The following AK3 variants were observed in gnomAD, a reference collection of about 807,000 sequenced individuals.
The protein encoded by AK3 is GTP:AMP phosphotransferase AK3, mitochondrial.
Under a neutral mutation model 23.7 loss-of-function variants are expected in AK3, and 27 were observed. The ratio of observed to expected loss-of-function variants is 1.14; its 90% CI spans 0.84 to 1.57. The LOEUF (loss-of-function observed/expected upper bound fraction) is 1.57. Among genes scored for constraint, AK3 ranks in the 40% most tolerant of loss-of-function variants. The pLI, the probability that AK3 is intolerant of heterozygous loss-of-function variation, is 0.00. For missense variants in AK3, 406 were observed against 285.6 expected (o/e 1.42, Z -3.04); for synonymous variants, 159 against 116.0 (o/e 1.37, Z -2.38).
chr9:4,730,817 TC>T (rs1288167301), intron 1 of AK3, among the ~76,000 whole-genome samples: 1 of 152,210 alleles, frequency 6.6e-6, no homozygotes, highest in Admixed American at 6.5e-5. Context: ...TTGTTATTTT[TC>T]TCTTTTGTTT....
At position 4,710,310 on chromosome 9, in the gene AK3, C is replaced by T. The variant is rs184943363; in HGVS notation, c.*2666G>A. ...GCAACCTCCGCCTCCCGGATTCACA[C>T]CATTCTCCTGCCTCAACCTCCCGAG... On this transcript the variant is annotated 3_prime_UTR_variant, in exon 5 of 5. Coordinates refer to ENST00000381809, the MANE Select transcript of AK3 (RefSeq NM_016282.4). 6.6e-6 allele frequency: 1 copy of T among 152,096 alleles called. No homozygotes were observed. The highest frequency in any genetic ancestry group is 2.1e-4 in the South Asian group (1 of 4,826). The allele number at this position is 152,096 out of a possible 1,614,324, so 9.4% of individuals were successfully genotyped here.
chr9:4,735,270 T>TATACATATATAAATATATATATACATAA (rs1554628165), intron 1 of AK3, among the ~76,000 whole-genome samples: 1 of 34,080 alleles, frequency 2.9e-5, no homozygotes, highest in African/African-American at 1.1e-4. Flanking sequence ...TAAATATATA[T>TATACATATATAAATATATATATACATAA]ATAAATATAT....
intron 4 of AK3, among the ~76,000 whole-genome samples, chr9:4,716,873 G>A (rs1563783445): frequency 6.6e-6 from 1 of 152,152 alleles, no homozygotes; most frequent in African/African-American, 2.4e-5. Context: ...CAAGGCTGTA[G>A]TGAACTATGA....
intron 1 of AK3, among the ~76,000 whole-genome samples, chr9:4,735,479 T>TATATATATATA (rs758311463): frequency 2.9e-5 from 2 of 69,128 alleles, no homozygotes; most frequent in African/African-American, 1.2e-4. Flanking sequence ...TATATATATA[T>TATATATATATA]TTTTTTTTTT....
In AK3 at chr9:4,710,694, G is replaced by T. The variant is rs1212562466; in HGVS notation, c.*2282C>A. On this transcript the variant is annotated 3_prime_UTR_variant, in exon 5 of 5. Coordinates refer to ENST00000381809, the MANE Select transcript of AK3 (RefSeq NM_016282.4). ...AGCACTTGGGAAGCTGAATCAGGAA[G>T]ACTGTTTGAGGCCAGGAGACTAGCC... 1 of 152,106 alleles carries T rather than the reference G, an allele frequency of 6.6e-6. No individual in the cohort carries two copies. Among genetic ancestry groups the T allele is most frequent in the African/African-American group, 2.4e-5 (1 of 41,412 alleles). 9.4% of individuals were successfully genotyped at this position (152,106 alleles called of 1,614,324 possible). A position where few individuals can be genotyped will look rare whatever the true frequency, so the allele number is the denominator to read the frequency against.
intron 1 of AK3, among the ~76,000 whole-genome samples, chr9:4,738,295 AG>A: frequency 6.6e-6 from 1 of 152,156 alleles, no homozygotes; most frequent in Middle Eastern, 3.4e-3. Context: ...CCTCCCAAGT[AG>A]CTAGGATTAC....
intron 1 of AK3, 45 bp from the exon 2 acceptor site, chr9:4,722,670 T>G: frequency 1.9e-6 from 3 of 1,613,044 alleles, no homozygotes; most frequent in Non-Finnish European, 2.5e-6. Context: ...ATTTGTTTTA[T>G]CCCATTCCAG....
At chr9:4,739,315 C>T (rs572930858) in intron 1 of AK3, among the ~76,000 whole-genome samples, 1 of 151,498 alleles carries the variant, frequency 6.6e-6, no homozygotes, top group African/African-American at 2.4e-5. Context: ...CTCAGCCTCC[C>T]GAGTAGCTAG....
At chr9:4,734,027 C>A (rs1260987613) in intron 1 of AK3, among the ~76,000 whole-genome samples, 1 of 152,248 alleles carries the variant, frequency 6.6e-6, no homozygotes, top group East Asian at 1.9e-4. Flanking sequence ...AAGTATGTCT[C>A]CCCTAAATCT....
At position 4,719,287 on chromosome 9, in the gene AK3, G is replaced by A; in HGVS notation, c.292C>T (p.Gln98Ter). Residue 98 changes from glutamine (Q) to a stop codon, truncating the protein, a stop_gained, in exon 3 of 5, where the codon CAG (glutamine) becomes TAG (stop). Coordinates refer to ENST00000381809, the MANE Select transcript of AK3 (RefSeq NM_016282.4). LOFTEE classifies it high-confidence loss of function. ...TAAGCTCTATCTAGGGCTTCTGCCTGTGGAAGTGTCCTTGGAAAACCTTTA... is the reference window on the plus strand; with the variant it reads ...TAAGCTCTATCTAGGGCTTCTGCCTATGGAAGTGTCCTTGGAAAACCTTTA... ...LLDGFPRTLP[Q>*]AEALDRAYQI... 3 of 1,411,792 alleles carry A rather than the reference G, an allele frequency of 2.1e-6. No individual in the cohort carries two copies. Among genetic ancestry groups the A allele is most frequent in the Non-Finnish European group, 2.8e-6 (3 of 1,054,100 alleles). The allele number at this position is 1,411,792 out of a possible 1,614,324, so 87.5% of individuals were successfully genotyped here. A position where few individuals can be genotyped will look rare whatever the true frequency, so the allele number is the denominator to read the frequency against.
rs1206189448 is a variant in AK3, at chr9:4,712,793, G to A, written c.*183C>T. ...TACAACACACTAGATGATTTCAAAC[G>A]ATGCATCTTAGTATCCGAATCATTT... On this transcript the variant is annotated 3_prime_UTR_variant, in exon 5 of 5. Transcript: ENST00000381809. The A allele has an allele frequency of 2.4e-5, 14 of 589,262 alleles. No individual in the cohort carries two copies. In the East Asian group the frequency reaches 3.8e-4, roughly 16 times the overall value. The allele number at this position is 589,262 out of a possible 1,614,324, so 36.5% of individuals were successfully genotyped here. A position where few individuals can be genotyped will look rare whatever the true frequency, so the allele number is the denominator to read the frequency against.
chr9:4,740,494 C>CA (rs1374247599), intron 1 of AK3, among the ~76,000 whole-genome samples: 3 of 152,052 alleles, frequency 2.0e-5, no homozygotes, highest in Admixed American at 2.0e-4. Context: ...TTAACCACAC[C>CA]AAAAAAGAAA....
chr9:4,740,920 G>T lies in AK3; in HGVS notation c.151+17C>A, dbSNP rs1288033268. On this transcript the variant is annotated intron_variant, in intron 1 of 4. Transcript: ENST00000381809. ...CGGGTGACAGCGCACGGCCGGCCCTGGGCCCAGAGCTCCCACCTGTGCCCC... is the reference window on the plus strand; with the variant it reads ...CGGGTGACAGCGCACGGCCGGCCCTTGGCCCAGAGCTCCCACCTGTGCCCC... The T allele has an allele frequency of 1.3e-6, 2 of 1,537,068 alleles. No homozygotes were observed. Among genetic ancestry groups the T allele is most frequent in the Non-Finnish European group, 1.8e-6 (2 of 1,141,774 alleles).
Position 4,718,418 on chromosome 9 carries a change from C to T in AK3, c.563+1G>A. ...AGAAGTTCTGAAAAGCAAAAACTCA[C>T]TGGTAATATTCCAGGACTGGCTTTG... is the stretch of plus-strand genomic sequence containing the variant. On this transcript the variant is annotated splice_donor_variant, in intron 4 of 4. Coordinates refer to ENST00000381809, the MANE Select transcript of AK3 (RefSeq NM_016282.4). LOFTEE classifies it high-confidence loss of function. The T allele has an allele frequency of 6.2e-7, 1 of 1,610,226 alleles. No individual in the cohort carries two copies. The highest frequency in any genetic ancestry group is 1.3e-5 in the African/African-American group (1 of 74,954).
intron 2 of AK3, among the ~76,000 whole-genome samples, chr9:4,720,249 G>A (rs1210608363): frequency 6.6e-6 from 1 of 152,128 alleles, no homozygotes; most frequent in Non-Finnish European, 1.5e-5. Context: ...AGTGAATTCA[G>A]AAATACACCC....
intron 4 of AK3, among the ~76,000 whole-genome samples, chr9:4,717,247 A>G (rs7872160): frequency 0.012 from 1,865 of 152,288 alleles, 36 homozygotes; most frequent in African/African-American, 0.043. Flanking sequence ...TCAGTATTCA[A>G]TAAGTACATA....
intron 1 of AK3, among the ~76,000 whole-genome samples, chr9:4,738,662 T>C (rs887882565): frequency 6.6e-6 from 1 of 151,784 alleles, no homozygotes; most frequent in Admixed American, 6.6e-5. Flanking sequence ...TATAATCATC[T>C]CTGTGTGGCA....
chr9:4,718,500 C>T lies in AK3; in HGVS notation c.482G>A (p.Arg161His), dbSNP rs375214094. Reference protein sequence around the residue: ...DDLTGEPLIQREDDKPETVIK... With the variant: ...DDLTGEPLIQHEDDKPETVIK... ...AACCGTCTCTGGTTTATCATCCTCACGCTGAATGAGAGGCTCCCCAGTCAG... is the reference window on the plus strand; with the variant it reads ...AACCGTCTCTGGTTTATCATCCTCATGCTGAATGAGAGGCTCCCCAGTCAG... The change falls in exon 4 of 5, where the codon CGT (arginine) becomes CAT (histidine). Residue 161 changes from arginine (R) to histidine (H), a missense_variant. Transcript: ENST00000381809. The T allele has an allele frequency of 8.7e-5, 141 of 1,613,684 alleles. No individual in the cohort carries two copies. The highest frequency in any genetic ancestry group is 2.0e-4 in the Admixed American group (12 of 59,996).
chr9:4,735,630 A>G (rs1008196025), intron 1 of AK3, among the ~76,000 whole-genome samples: 2 of 148,878 alleles, frequency 1.3e-5, no homozygotes, highest in African/African-American at 4.9e-5. Flanking sequence ...ATACCCAACT[A>G]ATTTTATTTT....
Sources: allele counts gnomAD v4.1 joint callset (sites outside exome capture counted in the v4.1 genomes callset), GRCh38; gene constraint gnomAD v4.1.1; transcripts MANE v1.5; gene names NCBI Gene and HGNC (gene_info 2026-07-23, HGNC 2026-07-21).